ZDHHC13: variants seen among roughly 807,000 people sequenced by gnomAD.
ZDHHC13 encodes the protein palmitoyltransferase ZDHHC13.
ZDHHC13 carries 85 observed loss-of-function variants against 86.0 expected under a neutral mutation model. The observed-to-expected ratio is 0.99, with a 90% CI of 0.83 to 1.18. ZDHHC13 has a LOEUF of 1.18. ZDHHC13 is among the 50% of genes most tolerant of loss of function. The pLI, the probability that ZDHHC13 is intolerant of heterozygous loss-of-function variation, is 0.00. For missense variants in ZDHHC13, 711 were observed against 730.2 expected (o/e 0.97, Z 0.30); for synonymous variants, 263 against 246.4 (o/e 1.07, Z -0.63).
At chr11:19,133,987 A>G (rs1335502516) in intron 1 of ZDHHC13, among the ~76,000 whole-genome samples, 1 of 133,634 alleles carries the variant, frequency 7.5e-6, no homozygotes, top group Non-Finnish European at 1.7e-5. Flanking sequence ...ATAAATCATA[A>G]TATTTTCAGA....
Position 19,117,721 on chromosome 11 carries a change from C to A in ZDHHC13, c.27+445C>A, listed in dbSNP as rs115922865. The stretch of plus-strand genomic sequence containing the variant: ...GGCGTCTTAGCACCCGCCTTCACCC[C>A]ACCCAGTCCAGTTTTCGCTCCTGTT... On this transcript the variant is annotated intron_variant, in intron 1 of 16. Transcript: ENST00000446113. The surrounding 1 kb of genome is among the most constrained non-coding windows in gnomAD (Gnocchi z 4.2). The A allele has an allele frequency of 1.8e-5, 3 of 166,628 alleles. No individual in the cohort carries two copies. The highest frequency in any genetic ancestry group is 1.3e-5 in the Non-Finnish European group (1 of 77,952). 10.3% of individuals were successfully genotyped at this position (166,628 alleles called of 1,614,324 possible).
intron 1 of ZDHHC13, among the ~76,000 whole-genome samples, chr11:19,136,846 A>G (rs1292254573): frequency 1.3e-5 from 2 of 151,876 alleles, no homozygotes; most frequent in African/African-American, 4.9e-5. Flanking sequence ...GAGAAATAAA[A>G]TACTTTACAG....
chr11:19,143,411 A>G (rs891591198), intron 2 of ZDHHC13, among the ~76,000 whole-genome samples: 7 of 152,230 alleles, frequency 4.6e-5, no homozygotes, highest in Admixed American at 4.6e-4. Flanking sequence ...TAAGGTACCC[A>G]ATAAATGTTC....
At chr11:19,131,428 A>C (rs1166189990) in intron 1 of ZDHHC13, among the ~76,000 whole-genome samples, 1 of 152,108 alleles carries the variant, frequency 6.6e-6, no homozygotes, top group African/African-American at 2.4e-5. Flanking sequence ...CCAACTTTGG[A>C]AGATTTTTGG....
intron 1 of ZDHHC13, among the ~76,000 whole-genome samples, chr11:19,122,566 A>G (rs1420921128): frequency 6.6e-6 from 1 of 151,276 alleles, no homozygotes; most frequent in Non-Finnish European, 1.5e-5. Flanking sequence ...TCCTACTGTC[A>G]ACTCTCTGTT....
intron 16 of ZDHHC13, 99 bp from the exon 17 acceptor site, chr11:19,175,723 T>C: frequency 7.1e-7 from 1 of 1,399,162 alleles, no homozygotes; most frequent in Non-Finnish European, 9.7e-7. Context: ...TTCTGCAAGA[T>C]GTTCAAAGGA....
In ZDHHC13 at chr11:19,172,788, A is replaced by G. The variant is rs538083104; in HGVS notation, c.1698A>G (p.Lys566=). The G allele has an allele frequency of 6.2e-7, 1 of 1,606,348 alleles. No individual in the cohort carries two copies. Among genetic ancestry groups the G allele is most frequent in the African/African-American group, 1.3e-5 (1 of 74,900 alleles). Residue 566 remains lysine, a synonymous_variant, in exon 16 of 17, where the codon AAA becomes AAG. Coordinates refer to ENST00000446113, the MANE Select transcript of ZDHHC13 (RefSeq NM_019028.3). ...TGCAGAAGCAGAGCAAGCATATGAA[A>G]CAGACGTTGTCCCTCAGGAAGACAC... is the stretch of plus-strand genomic sequence containing the variant. ...ISLQKQSKHM[K]QTLSLRKTPY...
intron 1 of ZDHHC13, among the ~76,000 whole-genome samples, chr11:19,131,408 A>T (rs1217788785): frequency 6.6e-6 from 1 of 152,196 alleles, no homozygotes; most frequent in African/African-American, 2.4e-5. Flanking sequence ...CTGTGAGTTT[A>T]TAATTTTCGC....
Position 19,147,585 on chromosome 11 carries a change from G to A in ZDHHC13, c.297-11G>A. 1 of 1,581,032 alleles carries A rather than the reference G, an allele frequency of 6.3e-7. No homozygotes were observed. Among genetic ancestry groups the A allele is most frequent in the Non-Finnish European group, 8.6e-7 (1 of 1,162,128 alleles). ...TCAAATCTTACTTTCATTTGTGTCT[G>A]CTTTTAACAGGTTTTATATTTCAAA... On this transcript the variant is annotated splice_polypyrimidine_tract_variant and intron_variant, in intron 3 of 16. Coordinates refer to ENST00000446113, the MANE Select transcript of ZDHHC13 (RefSeq NM_019028.3).
chr11:19,155,273 A>G (rs1255092135), intron 8 of ZDHHC13, among the ~76,000 whole-genome samples: 4 of 152,240 alleles, frequency 2.6e-5, no homozygotes, highest in Non-Finnish European at 4.4e-5. Context: ...AGAAGAAAAC[A>G]AAACAAAATA....
At chr11:19,158,858 C>A in intron 9 of ZDHHC13, 82 bp from the exon 10 acceptor site, 1 of 865,432 alleles carries the variant, frequency 1.2e-6, no homozygotes. Flanking sequence ...ATTATTATTA[C>A]TACCATTATT....
chr11:19,154,980 T>G (rs1246900379), intron 8 of ZDHHC13, among the ~76,000 whole-genome samples: 4 of 152,172 alleles, frequency 2.6e-5, no homozygotes, highest in Admixed American at 2.6e-4. Flanking sequence ...TGCCAGCTGG[T>G]TGTCTCCTAG....
intron 1 of ZDHHC13, among the ~76,000 whole-genome samples, chr11:19,118,224 A>G (rs938173468): frequency 2.0e-5 from 3 of 152,212 alleles, no homozygotes; most frequent in African/African-American, 7.2e-5. Context: ...GTTAGGCGGT[A>G]GATTCTCAGT....
chr11:19,142,722 T>G (rs923292195), intron 1 of ZDHHC13, among the ~76,000 whole-genome samples: 1 of 152,118 alleles, frequency 6.6e-6, no homozygotes, highest in African/African-American at 2.4e-5. Context: ...AAAATCTTCC[T>G]TAGGATACAC....
intron 14 of ZDHHC13, chr11:19,169,060 A>C (rs1211288274): frequency 1.0e-6 from 1 of 985,356 alleles, no homozygotes; most frequent in African/African-American, 1.7e-5. Flanking sequence ...GTACGTGACA[A>C]CTTGCTGTTG....
intron 1 of ZDHHC13, among the ~76,000 whole-genome samples, chr11:19,132,964 C>T (rs1212315005): frequency 6.6e-6 from 1 of 151,958 alleles, no homozygotes; most frequent in Non-Finnish European, 1.5e-5. Flanking sequence ...TAACATATAG[C>T]CAACAAGGAG....
chr11:19,151,061 C>T (rs1849595778), intron 6 of ZDHHC13, among the ~76,000 whole-genome samples: 1 of 151,908 alleles, frequency 6.6e-6, no homozygotes, highest in African/African-American at 2.4e-5. Context: ...GTAGATATAC[C>T]TTGAAATATA....
intron 1 of ZDHHC13, 107 bp from the exon 2 acceptor site, chr11:19,142,871 A>C (rs2133402365): frequency 8.0e-7 from 1 of 1,250,230 alleles, no homozygotes; most frequent in Non-Finnish European, 1.1e-6. Context: ...ACTCCAAAAA[A>C]TGTAATTTAT....
chr11:19,124,201 A>G (rs1284007681), intron 1 of ZDHHC13, among the ~76,000 whole-genome samples: 1 of 152,146 alleles, frequency 6.6e-6, no homozygotes, highest in Non-Finnish European at 1.5e-5. Flanking sequence ...AGGACTGTAC[A>G]TGATATATTG....
Sources: gnomAD v4.1 joint callset for allele counts (sites outside exome capture counted in the v4.1 genomes callset) on GRCh38, gnomAD v4.1.1 for gene constraint, Gnocchi (gnomAD v3.1) non-coding constraint, MANE v1.5 for transcripts, NCBI Gene and HGNC (gene_info 2026-07-23, HGNC 2026-07-21) for gene names.